The following TCF7L1 variants were observed in gnomAD, a reference collection of about 807,000 sequenced individuals.
TCF7L1 encodes the protein transcription factor 7-like 1.
In TCF7L1, 18 loss-of-function variants were observed where a neutral mutation model predicts 63.7. The ratio of observed to expected loss-of-function variants is 0.28; its 90% CI spans 0.20 to 0.42. The LOEUF is 0.42. TCF7L1 is among the 10% of genes least tolerant of loss of function. TCF7L1 has a pLI of 1.00. For missense variants in TCF7L1, 654 were observed against 779.3 expected, an observed-to-expected ratio of 0.84 and a Z score of 1.91; for synonymous variants, 355 against 340.9, an observed-to-expected ratio of 1.04 and a Z score of -0.46.
intron 3 of TCF7L1, among the ~76,000 whole-genome samples, chr2:85,267,449 A>G (rs1478830749): frequency 1.3e-5 from 2 of 151,974 alleles, no homozygotes; most frequent in Non-Finnish European, 2.9e-5. Context: ...CAGGAGTTCA[A>G]GACCAACCTG....
intron 3 of TCF7L1, among the ~76,000 whole-genome samples, chr2:85,141,742 C>T (rs144231219): frequency 2.3e-4 from 35 of 152,322 alleles, no homozygotes; most frequent in African/African-American, 8.2e-4. Context: ...AGGCTTCTTA[C>T]TTCATCCGTG....
chr2:85,299,590 G>A (rs747735686), intron 4 of TCF7L1, among the ~76,000 whole-genome samples: 6 of 151,338 alleles, frequency 4.0e-5, no homozygotes, highest in Non-Finnish European at 7.4e-5. Context: ...CACTGAGCCC[G>A]GCACAGTGGC....
intron 3 of TCF7L1, among the ~76,000 whole-genome samples, chr2:85,141,344 G>T (rs995252953): frequency 5.9e-5 from 9 of 152,170 alleles, no homozygotes; most frequent in African/African-American, 1.7e-4. Context: ...TGGTGTTAAA[G>T]GTAGAGAGAA....
intron 3 of TCF7L1, among the ~76,000 whole-genome samples, chr2:85,201,868 A>G (rs980933048): frequency 6.6e-6 from 1 of 152,180 alleles, no homozygotes; most frequent in East Asian, 1.9e-4. Context: ...GAAGTTGGGT[A>G]CCCTTTAATG....
chr2:85,259,864 T>C (rs749033019), intron 3 of TCF7L1, among the ~76,000 whole-genome samples: 31 of 152,316 alleles, frequency 2.0e-4, no homozygotes, highest in Admixed American at 3.3e-4. Flanking sequence ...TGAGTGTTCC[T>C]GAGCACTGGC....
In TCF7L1 at chr2:85,306,504, A is replaced by G. The variant is rs758289937; in HGVS notation, c.1202A>G (p.Lys401Arg). The G allele has an allele frequency of 6.2e-7, 1 of 1,614,184 alleles. No individual in the cohort carries two copies. Among genetic ancestry groups the G allele is most frequent in the Middle Eastern group, 1.6e-4 (1 of 6,062 alleles). The change falls in exon 10 of 12, where the codon AAG (lysine) becomes AGG (arginine). Residue 401 changes from lysine to arginine, a missense_variant. Transcript: ENST00000282111. This position sits in a 1 kb window ranked among gnomAD's most constrained non-coding sequence, Gnocchi z 4.3. ...EQAKYYELAR[K>R]ERQLHSQLYP... The stretch of plus-strand genomic sequence containing the variant: ...GCCAAGTACTACGAGCTGGCCCGGA[A>G]GGAGCGGCAGCTTCACTCGCAGCTC...
intron 3 of TCF7L1, among the ~76,000 whole-genome samples, chr2:85,278,099 G>A (rs1314834034): frequency 6.6e-6 from 1 of 152,196 alleles, no homozygotes; most frequent in African/African-American, 2.4e-5. Context: ...TCTGCTCCAT[G>A]GCTCCAATCA....
chr2:85,160,807 C>T (rs773106552), intron 3 of TCF7L1, among the ~76,000 whole-genome samples: 57 of 152,176 alleles, frequency 3.7e-4, no homozygotes, highest in African/African-American at 1.0e-3. Context: ...AGCCTAGATG[C>T]GCCACTGCAC....
intron 3 of TCF7L1, among the ~76,000 whole-genome samples, chr2:85,169,137 C>T (rs1442427547): frequency 6.6e-6 from 1 of 152,140 alleles, no homozygotes; most frequent in Non-Finnish European, 1.5e-5. Context: ...CAAGTCTAAA[C>T]TTCCCTGTGT....
At chr2:85,274,661 G>A (rs547197691) in intron 3 of TCF7L1, among the ~76,000 whole-genome samples, 1 of 152,222 alleles carries the variant, frequency 6.6e-6, no homozygotes, top group African/African-American at 2.4e-5. Flanking sequence ...ACTCATCGTG[G>A]TACCTTGAAA....
chr2:85,192,743 C>T (rs1679062871), intron 3 of TCF7L1, among the ~76,000 whole-genome samples: 2 of 150,936 alleles, frequency 1.3e-5, no homozygotes, highest in Middle Eastern at 3.5e-3. Context: ...GGTGTGATCA[C>T]AGCTCATTGC....
intron 3 of TCF7L1, among the ~76,000 whole-genome samples, chr2:85,244,083 G>A (rs969172783): frequency 3.9e-5 from 6 of 152,200 alleles, no homozygotes; most frequent in African/African-American, 4.8e-5. Context: ...GGAAGAGCAC[G>A]CCAGGCAGAG....
chr2:85,307,535 C>A, intron 10 of TCF7L1, 107 bp from the exon 11 acceptor site: 1 of 877,396 alleles, frequency 1.1e-6, no homozygotes, highest in Non-Finnish European at 1.9e-6. Flanking sequence ...CCTGAGGGAT[C>A]GAGAGCAGTA....
intron 3 of TCF7L1, among the ~76,000 whole-genome samples, chr2:85,135,856 T>C (rs1677580619): frequency 6.6e-6 from 1 of 151,572 alleles, no homozygotes; most frequent in East Asian, 1.9e-4. Flanking sequence ...AGTGTCAGTT[T>C]TGCAGTGAAA....
At chr2:85,237,368 G>A (rs1680217107) in intron 3 of TCF7L1, among the ~76,000 whole-genome samples, 2 of 151,986 alleles carry the variant, frequency 1.3e-5, no homozygotes, top group South Asian at 4.2e-4. Context: ...CCCCTGATTG[G>A]AGCCCTGGTG....
At chr2:85,276,074 T>G (rs1395709276) in intron 3 of TCF7L1, among the ~76,000 whole-genome samples, 3 of 152,338 alleles carry the variant, frequency 2.0e-5, no homozygotes, top group African/African-American at 7.2e-5. Context: ...AAACTTCTTT[T>G]ATACTTTTGC....
At chr2:85,214,354 A>G (rs1481372250) in intron 3 of TCF7L1, among the ~76,000 whole-genome samples, 2 of 152,170 alleles carry the variant, frequency 1.3e-5, no homozygotes, top group Non-Finnish European at 2.9e-5. Flanking sequence ...GCAGGGTCCT[A>G]TGAGGAGGAG....
chr2:85,269,917 T>C (rs1295879089), intron 3 of TCF7L1, among the ~76,000 whole-genome samples: 1 of 152,214 alleles, frequency 6.6e-6, no homozygotes, highest in African/African-American at 2.4e-5. Flanking sequence ...AGGTGGCTGG[T>C]GTGACCCTTA....
intron 3 of TCF7L1, among the ~76,000 whole-genome samples, chr2:85,220,679 A>G (rs1200406396): frequency 6.6e-6 from 1 of 152,208 alleles, no homozygotes; most frequent in Non-Finnish European, 1.5e-5. Context: ...TTTTATAACT[A>G]GATGATAGTT....
Sources: gnomAD v4.1 joint callset for allele counts (sites outside exome capture counted in the v4.1 genomes callset) on GRCh38, gnomAD v4.1.1 for gene constraint, Gnocchi (gnomAD v3.1) non-coding constraint, MANE v1.5 for transcripts, NCBI Gene and HGNC (gene_info 2026-07-23, HGNC 2026-07-21) for gene names.